DPYD: variants seen among roughly 807,000 people sequenced by gnomAD.
The protein encoded by DPYD is dihydropyrimidine dehydrogenase.
A neutral mutation model predicts 116.2 loss-of-function variants in DPYD; 109 were observed. The observed-to-expected ratio is 0.94, with a 90% CI of 0.80 to 1.10. The LOEUF (loss-of-function observed/expected upper bound fraction) is 1.10. Ranked by LOEUF, DPYD falls within the 50% of genes least tolerant of loss-of-function variation. The probability of loss-of-function intolerance (pLI) is 0.00; values close to 1 mark genes in which losing one functional copy is unlikely to be tolerated. For missense variants in DPYD, 1,302 were observed against 1,254.5 expected (o/e 1.04, Z -0.57); for synonymous variants, 440 against 432.0 (o/e 1.02, Z -0.23).
At chr1:97,616,941 A>C (rs530377333) in intron 8 of DPYD, among the ~76,000 whole-genome samples, 19 of 152,052 alleles carry the variant, frequency 1.2e-4, no homozygotes, top group East Asian at 1.9e-4. Context: ...GCTGGAGTGC[A>C]GTGGTGGGAT....
chr1:97,790,766 T>TA (rs1667280981), intron 3 of DPYD, among the ~76,000 whole-genome samples: 1 of 152,180 alleles, frequency 6.6e-6, no homozygotes, highest in African/African-American at 2.4e-5. Context: ...GTAGAATTAC[T>TA]AGAAAGACAT....
At chr1:97,417,500 T>C (rs1028531781) in intron 14 of DPYD, among the ~76,000 whole-genome samples, 29 of 152,328 alleles carry the variant, frequency 1.9e-4, no homozygotes, top group Non-Finnish European at 3.8e-4. Context: ...CATACTCTAA[T>C]ATATGCTTTT....
chr1:97,193,591 A>T (rs1658540333), intron 19 of DPYD, among the ~76,000 whole-genome samples: 1 of 152,150 alleles, frequency 6.6e-6, no homozygotes, highest in African/African-American at 2.4e-5. Context: ...AATAAAGGAC[A>T]TTTAAATTCT....
At chr1:97,218,588 CAA>C (rs984649509) in intron 19 of DPYD, among the ~76,000 whole-genome samples, 10 of 150,192 alleles carry the variant, frequency 6.7e-5, no homozygotes, top group African/African-American at 2.5e-4. Flanking sequence ...AGATCAAACC[CAA>C]AAAGTCAATA....
At chr1:97,207,817 T>C (rs1302171524) in intron 19 of DPYD, among the ~76,000 whole-genome samples, 1 of 152,158 alleles carries the variant, frequency 6.6e-6, no homozygotes, top group East Asian at 1.9e-4. Flanking sequence ...CACGCACCAA[T>C]AGAGGTCAGT....
intron 14 of DPYD, among the ~76,000 whole-genome samples, chr1:97,418,698 T>C (rs1429814786): frequency 6.6e-6 from 1 of 152,130 alleles, no homozygotes; most frequent in Non-Finnish European, 1.5e-5. Context: ...CAATGAAATA[T>C]ACAACAGTAG....
rs149640486 is a variant in DPYD at position 97,788,732 on chromosome 1, G to A, written c.233+39382C>T. ...TAATCAGCTAATAAAGGACAGAAAG[G>A]CAATTCCCCTGAATTCTCATCCAGG... On this transcript the variant is annotated intron_variant, in intron 3 of 22. Transcript: ENST00000370192. Among the ~76,000 whole-genome samples the A allele has an allele frequency of 2.8e-3, 419 of 152,280 alleles. 2 individuals carry two copies. Among genetic ancestry groups the A allele is most frequent in the African/African-American group, 8.9e-3 (371 of 41,572 alleles).
intron 18 of DPYD, among the ~76,000 whole-genome samples, chr1:97,255,263 T>C (rs562062031): frequency 6.6e-5 from 10 of 152,318 alleles, no homozygotes; most frequent in African/African-American, 2.4e-4. Flanking sequence ...GCACTTCCTA[T>C]ATGACAAGCT....
chr1:97,328,591 A>T (rs1442461398), intron 16 of DPYD, among the ~76,000 whole-genome samples: 2 of 152,202 alleles, frequency 1.3e-5, no homozygotes, highest in African/African-American at 4.8e-5. Flanking sequence ...TTAACAGATG[A>T]ATAAATGAAT....
At chr1:97,120,695 G>A (rs1255632256) in intron 20 of DPYD, among the ~76,000 whole-genome samples, 3 of 152,142 alleles carry the variant, frequency 2.0e-5, no homozygotes, top group African/African-American at 4.8e-5. Flanking sequence ...CACGTTTTTA[G>A]TAGTATGGCT....
chr1:97,839,490 G>C (rs1006699774), intron 2 of DPYD, among the ~76,000 whole-genome samples: 1 of 151,964 alleles, frequency 6.6e-6, no homozygotes, highest in African/African-American at 2.4e-5. Context: ...ACATCAGTCA[G>C]CAATTCTTTG....
At chr1:97,694,163 G>A (rs766900967) in intron 6 of DPYD, among the ~76,000 whole-genome samples, 5 of 152,174 alleles carry the variant, frequency 3.3e-5, no homozygotes, top group African/African-American at 4.8e-5. Flanking sequence ...AGTGTTAAAC[G>A]AATAAGTGTG....
intron 16 of DPYD, among the ~76,000 whole-genome samples, chr1:97,326,199 G>T (rs1431656737): frequency 6.6e-6 from 1 of 151,846 alleles, no homozygotes; most frequent in African/African-American, 2.4e-5. Flanking sequence ...TTAAAATTTT[G>T]CAGATTTCAA....
intron 15 of DPYD, among the ~76,000 whole-genome samples, chr1:97,381,625 A>G (rs534101048): frequency 6.6e-6 from 1 of 152,302 alleles, no homozygotes; most frequent in East Asian, 1.9e-4. Context: ...ATTTTTGAAC[A>G]CTACAGACAG....
At chr1:97,154,760 G>A (rs1485078361) in intron 20 of DPYD, among the ~76,000 whole-genome samples, 2 of 151,810 alleles carry the variant, frequency 1.3e-5, no homozygotes, top group Non-Finnish European at 2.9e-5. Flanking sequence ...GGGGTGAGAG[G>A]GGGGTGAGGG....
At chr1:97,181,509 T>C (rs1657641712) in intron 20 of DPYD, among the ~76,000 whole-genome samples, 1 of 152,138 alleles carries the variant, frequency 6.6e-6, no homozygotes, top group South Asian at 2.1e-4. Flanking sequence ...TGAACACTTC[T>C]CAATTATTTA....
At chr1:97,123,024 C>A (rs1436325450) in intron 20 of DPYD, among the ~76,000 whole-genome samples, 2 of 152,022 alleles carry the variant, frequency 1.3e-5, no homozygotes, top group South Asian at 2.1e-4. Context: ...TTAGATCAGA[C>A]CATCCTCTAT....
intron 20 of DPYD, among the ~76,000 whole-genome samples, chr1:97,118,370 C>G (rs1016507499): frequency 6.6e-6 from 1 of 152,078 alleles, no homozygotes; most frequent in African/African-American, 2.4e-5. Flanking sequence ...TGCTTAAACT[C>G]TCTTTCCATT....
intron 10 of DPYD, among the ~76,000 whole-genome samples, chr1:97,581,147 T>TACA (rs1210385210): frequency 1.4e-4 from 19 of 140,360 alleles, no homozygotes; most frequent in African/African-American, 4.7e-4. Context: ...CTATTAAAAA[T>TACA]GCAACAACAA....
Sources: gnomAD v4.1 joint callset for allele counts (sites outside exome capture counted in the v4.1 genomes callset) on GRCh38, gnomAD v4.1.1 for gene constraint, MANE v1.5 for transcripts, NCBI Gene and HGNC (gene_info 2026-07-23, HGNC 2026-07-21) for gene names.